KIF12: variants seen among roughly 807,000 people sequenced by gnomAD.
KIF12 encodes kinesin-like protein KIF12.
KIF12 carries 80 observed loss-of-function variants against 87.9 expected under a neutral mutation model. The observed-to-expected ratio is 0.91, with a 90% CI of 0.76 to 1.10. KIF12 has a LOEUF of 1.10. KIF12 is among the 50% of genes least tolerant of loss of function. The pLI is 0.00. For synonymous variants in KIF12, 353 were observed against 348.5 expected, an observed-to-expected ratio of 1.01 and a Z score of -0.14; for missense variants, 819 against 865.3, an observed-to-expected ratio of 0.95 and a Z score of 0.67.
chr9:114,096,593 A>G, intron 7 of KIF12, 115 bp from the exon 8 acceptor site: 1 of 851,364 alleles, frequency 1.2e-6, no homozygotes, highest in Non-Finnish European at 1.9e-6. Context: ...AAAGGCAGGG[A>G]GGCAACAGAG....
intron 3 of KIF12, 76 bp downstream of exon 3, chr9:114,098,859 G>A (rs1847362063): frequency 2.0e-6 from 3 of 1,500,102 alleles, no homozygotes; most frequent in Admixed American, 2.0e-5. Context: ...CGGGGCCTAG[G>A]GCAAAGTTGC....
rs768147318 is a variant in KIF12 at position 114,097,307 on chromosome 9, G to T, written c.640C>A (p.Gln214Lys). 7 of 1,609,662 alleles carry T rather than the reference G, an allele frequency of 4.3e-6. No homozygotes were observed. Among genetic ancestry groups the T allele is most frequent in the Non-Finnish European group, 5.9e-6 (7 of 1,178,924 alleles). ...CCCCGCTGTCAGCACACACCCGTTT[G>T]CAAAAGTTCCATCAGGGCCTCCAGA... ...GSLEALMELLQTGLSRRRNSA... is the reference protein window; with the variant it reads ...GSLEALMELLKTGLSRRRNSA... Residue 214 changes from glutamine to lysine, a missense_variant, in exon 7 of 19, where the codon CAA (glutamine) becomes AAA (lysine). By Grantham distance (53) the Gln-to-Lys change is moderately conservative. Coordinates refer to ENST00000640217, the MANE Select transcript of KIF12 (RefSeq NM_001388308.1).
At position 114,096,532 on chromosome 9, in the gene KIF12, CA is replaced by C. The variant is rs898556545; in HGVS notation, c.647-55del. 13 of 1,435,760 alleles carry C rather than the reference CA, an allele frequency of 9.1e-6. No homozygotes were observed. The East Asian group carries it at 1.9e-4, about 21-fold the overall frequency. 88.9% of individuals were successfully genotyped at this position (1,435,760 alleles called of 1,614,324 possible). ...CCTGGTAGGAAGAACAGGTCATCAT[CA>C]ATGAAGAAAAAGGAGCAAAGGAATC... On this transcript the variant is annotated intron_variant, in intron 7 of 18. Transcript: ENST00000640217.
At position 114,094,409 on chromosome 9, in the gene KIF12, TGC is replaced by T. The variant is rs1276237137; in HGVS notation, c.1164_1165del (p.Gln389AlafsTer46). 1 of 1,613,944 alleles carries T rather than the reference TGC, an allele frequency of 6.2e-7. No homozygotes were observed. The highest frequency in any genetic ancestry group is 2.2e-5 in the East Asian group (1 of 44,898). Reference sequence around the variant, plus strand: ...CAGGCGACGGTTCTCCTCCTGGAGCTGCAGCATCTCTGTCTCCAAACGCTGGG... The same window carrying T: ...CAGGCGACGGTTCTCCTCCTGGAGCTAGCATCTCTGTCTCCAAACGCTGGG... On this transcript the variant is annotated frameshift_variant, in exon 12 of 19. Coordinates refer to ENST00000640217, the MANE Select transcript of KIF12 (RefSeq NM_001388308.1). LOFTEE classifies it high-confidence loss of function.
chr9:114,093,784 G>T, intron 14 of KIF12, 102 bp downstream of exon 14: 1 of 973,752 alleles, frequency 1.0e-6, no homozygotes, highest in Non-Finnish European at 1.6e-6. Flanking sequence ...GAACCTAGTT[G>T]GTCTGAATCC....
intron 7 of KIF12, 112 bp downstream of exon 7, chr9:114,097,189 C>T (rs937280697): frequency 1.1e-5 from 16 of 1,392,664 alleles, no homozygotes; most frequent in Non-Finnish European, 1.5e-5. Context: ...CCCACCTCCC[C>T]CAGGAATCAT....
At position 114,092,342 on chromosome 9, in the gene KIF12, C is replaced by G; in HGVS notation, c.1807G>C (p.Gly603Arg). The change falls in exon 18 of 19, where the codon GGG becomes CGG. Residue 603 changes from glycine to arginine, a missense_variant. By Grantham distance (125) the Gly-to-Arg change is moderately radical. Transcript: ENST00000640217. ...LPVRPPKTSP[G>R]LRGGAGVPNL... ...TCTCTCCCTTCTTCACCTCTGAGCC[C>G]TGGTGATGTCTTCGGGGGCCTCACA... 6.3e-7 allele frequency: 1 copy of G among 1,589,116 alleles called. No homozygotes were observed. Among genetic ancestry groups the G allele is most frequent in the Non-Finnish European group, 8.6e-7 (1 of 1,169,444 alleles).
intron 9 of KIF12, 86 bp downstream of exon 9, chr9:114,095,965 C>G: frequency 7.0e-7 from 1 of 1,425,190 alleles, no homozygotes; most frequent in Non-Finnish European, 9.5e-7. Flanking sequence ...TTTACTACAA[C>G]TCCTCTGGTA....
Position 114,095,231 on chromosome 9 carries a change from G to A in KIF12, c.997C>T (p.Arg333Cys), listed in dbSNP as rs374047812. 4.7e-5 allele frequency: 76 copies of A among 1,613,588 alleles called. 3 individuals are homozygous for A. The South Asian group carries it at 5.2e-4, about 11-fold the overall frequency. ...TKLLADSLGG[R>C]GVTLMVACVS... ...TTAAGTACCATGAGGGTGACCCCGC[G>A]CCCTCCCAGTGAGTCTGCCAGCAAC... Residue 333 changes from arginine to cysteine, a missense_variant, in exon 10 of 19, where the codon CGC becomes TGC. Arg to Cys is a radical substitution (Grantham distance 180). Transcript: ENST00000640217.
intron 9 of KIF12, 33 bp downstream of exon 9, chr9:114,096,018 C>G: frequency 6.3e-7 from 1 of 1,585,968 alleles, no homozygotes; most frequent in Non-Finnish European, 8.6e-7. Flanking sequence ...AGAGGAGAGA[C>G]AGGAAATCAC....
chr9:114,097,763 C>A, intron 5 of KIF12, 22 bp from the exon 6 acceptor site: 1 of 1,606,256 alleles, frequency 6.2e-7, no homozygotes, highest in Non-Finnish European at 8.5e-7. Context: ...ACCAGCTGAG[C>A]CATCGTCATC....
At position 114,093,350 on chromosome 9, in the gene KIF12, C is replaced by G. The variant is rs1847073950; in HGVS notation, c.1492-17G>C. ...TGGCAGTGCCTGCAAAAAGGTGCGT[C>G]AGAGGCTCCATGACATCCCTACTTG... is the stretch of plus-strand genomic sequence containing the variant. On this transcript the variant is annotated splice_polypyrimidine_tract_variant and intron_variant, in intron 15 of 18. Transcript: ENST00000640217. 6.4e-7 allele frequency: 1 copy of G among 1,555,268 alleles called. No individual in the cohort carries two copies. The highest frequency in any genetic ancestry group is 8.7e-7 in the Non-Finnish European group (1 of 1,148,814).
chr9:114,095,073 G>T lies in KIF12; in HGVS notation c.1069C>A (p.Arg357=). Residue 357 remains arginine, a synonymous_variant, in exon 11 of 19, where the codon CGA becomes AGA. Transcript: ENST00000640217. ...ACCCGCTGAGCTCGGCTTGCATATC[G>T]CAGGGTGCTGAGAGTCTCAGGAAGG... ...QCLPETLSTL[R]YASRAQRVTT... is the part of the protein sequence containing the mutation. 1.2e-6 allele frequency: 2 copies of T among 1,610,042 alleles called. No individual in the cohort carries two copies. The highest frequency in any genetic ancestry group is 1.7e-6 in the Non-Finnish European group (2 of 1,178,058).
chr9:114,095,201 C>T lies in KIF12; in HGVS notation c.1014+13G>A. ...CAAGACCCAACCTTCCCTGCCAGGCCCCGCTTAAGTACCATGAGGGTGACC... is the reference window on the plus strand; with the variant it reads ...CAAGACCCAACCTTCCCTGCCAGGCTCCGCTTAAGTACCATGAGGGTGACC... On this transcript the variant is annotated intron_variant, in intron 10 of 18. Coordinates refer to ENST00000640217, the MANE Select transcript of KIF12 (RefSeq NM_001388308.1). The T allele has an allele frequency of 6.2e-7, 1 of 1,613,150 alleles. No homozygotes were observed. Among genetic ancestry groups the T allele is most frequent in the African/African-American group, 1.3e-5 (1 of 75,050 alleles).
rs896689934 is a variant in KIF12 at position 114,098,942 on chromosome 9, G to A, written c.164C>T (p.Thr55Ile). 13 of 1,548,704 alleles carry A rather than the reference G, an allele frequency of 8.4e-6. No homozygotes were observed. The Admixed American group carries it at 1.4e-4, about 16-fold the overall frequency. ...QSVLHCSGTR[T>I]LQVSPPGGGP... is the part of the protein sequence containing the mutation. The stretch of plus-strand genomic sequence containing the variant: ...GAGAGAGGGGTTCCTCACCTGCAGA[G>A]TCCGGGTCCCTGAGCAGTGCAGCAC... Residue 55 changes from threonine to isoleucine, a missense_variant, in exon 3 of 19, where the codon ACT (threonine) becomes ATT (isoleucine). Thr to Ile is a moderately conservative substitution (Grantham distance 89). Transcript: ENST00000640217.
intron 3 of KIF12, among the ~76,000 whole-genome samples, chr9:114,098,695 G>C (rs1189017338): frequency 6.9e-6 from 1 of 145,684 alleles, no homozygotes; most frequent in East Asian, 2.1e-4. Context: ...GCATTCTGGG[G>C]GGGGCGGGCA....
chr9:114,094,376 T>A lies in KIF12; in HGVS notation c.1199A>T (p.Gln400Leu). ...LQEENRRLQFQLDQMDCKASG... is the reference protein window; with the variant it reads ...LQEENRRLQFLLDQMDCKASG... The stretch of plus-strand genomic sequence containing the variant: ...ACCCTTGCAGTCCATTTGGTCCAGC[T>A]GGAACTGCAGGCGACGGTTCTCCTC... The change falls in exon 12 of 19, where the codon CAG becomes CTG. Residue 400 changes from glutamine to leucine, a missense_variant. Physicochemically the swap from Gln to Leu is moderately radical, Grantham distance 113. Transcript: ENST00000640217. 1 of 1,613,812 alleles carries A rather than the reference T, an allele frequency of 6.2e-7. No individual in the cohort carries two copies.
chr9:114,095,459 C>G (rs1742645463), intron 9 of KIF12, 127 bp from the exon 10 acceptor site: 2 of 997,298 alleles, frequency 2.0e-6, no homozygotes, highest in African/African-American at 3.2e-5. Flanking sequence ...TCCACATGAT[C>G]TCATGACTCA....
At position 114,099,253 on chromosome 9, in the gene KIF12, G is replaced by A. The variant is rs1331299348; in HGVS notation, c.24C>T (p.Asp8=). 10 of 1,550,946 alleles carry A rather than the reference G, an allele frequency of 6.4e-6. No homozygotes were observed. The highest frequency in any genetic ancestry group is 4.1e-5 in the African/African-American group (3 of 73,016). The change falls in exon 1 of 19, where the codon GAC becomes GAT. Residue 8 remains aspartate, a splice_region_variant and synonymous_variant. Transcript: ENST00000640217. ...AACCTGTCTGAAGATCTGCTTACCC[G>A]TCGGGTGACCCGCGTTCTTCCATGT... is the stretch of plus-strand genomic sequence containing the variant. The part of the protein sequence containing the change: MEERGSP[D]GDLARSLEQG...
Sources: gnomAD v4.1 joint callset for allele counts (sites outside exome capture counted in the v4.1 genomes callset) on GRCh38, gnomAD v4.1.1 for gene constraint, MANE v1.5 for transcripts, NCBI Gene and HGNC (gene_info 2026-07-23, HGNC 2026-07-21) for gene names.